Variants in NBPF20 observed in about 807,000 individuals in gnomAD.
The protein encoded by NBPF20 is NBPF family member NBPF20.
In NBPF20, 90 loss-of-function variants were observed where a neutral mutation model predicts 68.1. The observed-to-expected ratio is 1.32, with a 90% confidence interval of 1.11 to 1.58. The LOEUF is 1.58. Among genes scored for constraint, NBPF20 ranks in the 40% most tolerant of loss-of-function variants. The probability of loss-of-function intolerance (pLI) is 0.00; values close to 1 mark genes in which losing one functional copy is unlikely to be tolerated. For missense variants in NBPF20, 816 were observed against 601.2 expected (o/e 1.36, Z -3.74); for synonymous variants, 290 against 228.1 (o/e 1.27, Z -2.45).
the NBPF20 span, among the ~76,000 whole-genome samples, chr1:145,425,598 C>A: frequency 6.6e-6 from 1 of 152,186 alleles, no homozygotes. Context: ...TCTCGCCGGG[C>A]GCGTCAAGAG....
chr1:145,410,721 T>A, the NBPF20 span, among the ~76,000 whole-genome samples: 3 of 145,810 alleles, frequency 2.1e-5, no homozygotes, highest in Non-Finnish European at 4.5e-5. Flanking sequence ...TGTGTGTGTG[T>A]GTGTGTGCCT....
chr1:145,393,487 A>ACC (rs1445136089), intron 9 of NBPF20, among the ~76,000 whole-genome samples: 12 of 151,666 alleles, frequency 7.9e-5, no homozygotes, highest in Admixed American at 1.3e-4. Context: ...ACACACACAC[A>ACC]CACAGAGCGA....
intron 8 of NBPF20, among the ~76,000 whole-genome samples, chr1:145,394,261 A>T (rs1168093946): frequency 6.6e-6 from 1 of 151,486 alleles, no homozygotes; most frequent in Non-Finnish European, 1.5e-5. Flanking sequence ...AGACACTTCA[A>T]TATTAAGCTT....
In NBPF20 at chr1:145,393,933, G is replaced by A. The variant is rs1423955519; in HGVS notation, c.994C>T (p.His332Tyr). The A allele has an allele frequency of 9.9e-3, 13,559 of 1,370,198 alleles. 1,057 individuals are homozygous for A. The African/African-American group carries it at 0.17, about 17-fold the overall frequency. 84.9% of individuals were successfully genotyped at this position (1,370,198 alleles called of 1,614,324 possible). The change falls in exon 9 of 138, where the codon CAT (histidine) becomes TAT (tyrosine). Residue 332 changes from histidine (H) to tyrosine (Y), a missense_variant and splice_region_variant. Coordinates refer to ENST00000369373, the Ensembl canonical transcript of NBPF20. ...TCCTTTTTCACTTGATCCCACCGAT[G>A]TCCTGCAAATAAATTCAGATGGGCC...
upstream of NBPF20, among the ~76,000 whole-genome samples, chr1:145,406,399 T>C (rs868969144): frequency 6.6e-6 from 1 of 151,044 alleles, no homozygotes; most frequent in Non-Finnish European, 1.5e-5. Flanking sequence ...ATAACTACTG[T>C]GCATAAGTAA....
the NBPF20 span, among the ~76,000 whole-genome samples, chr1:145,417,370 A>C: frequency 7.5e-5 from 11 of 147,560 alleles, no homozygotes; most frequent in African/African-American, 2.5e-4. Context: ...TAAGAGATAA[A>C]ATAGGAGAAA....
At chr1:145,425,172 G>A in the NBPF20 span, among the ~76,000 whole-genome samples, 11 of 152,284 alleles carry the variant, frequency 7.2e-5, no homozygotes, top group East Asian at 1.6e-3. Context: ...AGCGGCAAGT[G>A]AGGAATCCAA....
rs1215915718 is a variant in NBPF20, at chr1:145,400,373, G to C, written c.775+13C>G. ...GCCTAGAGAGAGGTATGAGACACAA[G>C]GAAAACAGAGGCTACCTGGAATAAT... On this transcript the variant is annotated intron_variant, in intron 6 of 137. Transcript: ENST00000369373. The C allele has an allele frequency of 3.1e-6, 5 of 1,612,350 alleles. No individual in the cohort carries two copies. The African/African-American group carries it at 6.7e-5, about 22-fold the overall frequency.
chr1:145,421,654 T>G, the NBPF20 span, among the ~76,000 whole-genome samples: 1 of 152,148 alleles, frequency 6.6e-6, no homozygotes, highest in African/African-American at 2.4e-5. Flanking sequence ...ACATACAAAA[T>G]AATCATAATA....
In NBPF20 at chr1:145,291,443, T is replaced by A. The variant is rs587765973; in HGVS notation, c.*83A>T. 413 of 1,611,490 alleles carry A rather than the reference T, an allele frequency of 2.6e-4. No individual in the cohort carries two copies. The African/African-American group carries it at 5.0e-3, about 20-fold the overall frequency. On this transcript the variant is annotated 3_prime_UTR_variant, in exon 138 of 138. Transcript: ENST00000369373. ...CCCATCCTATGTCTGGGCTTCCAAA[T>A]GGAACTGTACTTTCATTCAAATCTT...
At chr1:145,377,608 A>T (rs1404041519) in intron 29 of NBPF20, among the ~76,000 whole-genome samples, 170 bp from the exon 35 acceptor site, 1 of 141,442 alleles carries the variant, frequency 7.1e-6, no homozygotes, top group African/African-American at 2.6e-5. Context: ...GGCCAGGTAG[A>T]AAAGAATGAA....
At chr1:145,398,784 A>T (rs1183119360) in intron 7 of NBPF20, among the ~76,000 whole-genome samples, 9 of 151,758 alleles carry the variant, frequency 5.9e-5, no homozygotes, top group African/African-American at 2.2e-4. Flanking sequence ...CAATGAATCC[A>T]GGGCTGGTTT....
intron 137 of NBPF20, among the ~76,000 whole-genome samples, 193 bp from the exon 143 acceptor site, chr1:145,291,962 G>A (rs587633559): frequency 1.3e-5 from 2 of 149,940 alleles, no homozygotes; most frequent in Non-Finnish European, 2.9e-5. Flanking sequence ...GAAAGAGAAA[G>A]ACAGAGAGAG....
intron 9 of NBPF20, chr1:145,393,600 C>G (rs1306881638): frequency 3.0e-6 from 2 of 666,026 alleles, no homozygotes; most frequent in Non-Finnish European, 5.1e-6. Context: ...AAAAGCATGT[C>G]CTCAATAATT....
chr1:145,291,820 C>T (rs201603097), intron 137 of NBPF20, 51 bp from the exon 143 acceptor site: 4 of 1,611,544 alleles, frequency 2.5e-6, no homozygotes, highest in African/African-American at 1.3e-5. Flanking sequence ...TCAGAAACCA[C>T]AGAGCCCCAC....
intron 3 of NBPF20, among the ~76,000 whole-genome samples, chr1:145,402,735 G>A (rs1201605544): frequency 6.7e-6 from 1 of 149,014 alleles, no homozygotes; most frequent in African/African-American, 2.5e-5. Context: ...GCGGCCACTA[G>A]ATACAAAGCT....
At chr1:145,393,364 A>G (rs1375715111) in intron 9 of NBPF20, 118 bp from the exon 15 acceptor site, 2 of 709,416 alleles carry the variant, frequency 2.8e-6, no homozygotes, top group Admixed American at 2.0e-5. Flanking sequence ...CAGATCCATT[A>G]ATGAGGTAAG....
chr1:145,399,773 T>C (rs1198936133), intron 6 of NBPF20, among the ~76,000 whole-genome samples: 6 of 78,310 alleles, frequency 7.7e-5, no homozygotes, highest in Non-Finnish European at 1.1e-4. Context: ...CAAGACTCCA[T>C]CACAAAAAAA....
rs1553666975 is a variant in NBPF20, at chr1:145,405,390, A to C, written c.-36+20T>G. On this transcript the variant is annotated intron_variant, in intron 1 of 137. Transcript: ENST00000369373. ...TTAATCAGGACTGAGGGATGTCAGT[A>C]ACTGAAATTCTTACCTTACTGTTGT... is the stretch of plus-strand genomic sequence containing the variant. The C allele has an allele frequency of 2.6e-6, 4 of 1,529,706 alleles. No homozygotes were observed. Among genetic ancestry groups the C allele is most frequent in the Non-Finnish European group, 3.6e-6 (4 of 1,124,106 alleles). The allele number at this position is 1,529,706 out of a possible 1,614,324, so 94.8% of individuals were successfully genotyped here.
Sources: allele counts gnomAD v4.1 joint callset (sites outside exome capture counted in the v4.1 genomes callset), GRCh38; gene constraint gnomAD v4.1.1; transcripts MANE v1.5; gene names NCBI Gene and HGNC (gene_info 2026-07-23, HGNC 2026-07-21).